The following GLRA3 variants were observed in gnomAD, a reference collection of about 807,000 sequenced individuals.
GLRA3 encodes glycine receptor subunit alpha-3.
In GLRA3, 44 loss-of-function variants were observed where a neutral mutation model predicts 60.4. The ratio of observed to expected loss-of-function variants is 0.73; its 90% confidence interval spans 0.57 to 0.94. GLRA3 has a LOEUF of 0.94. Among genes scored for constraint, GLRA3 ranks in the 40% least tolerant of loss-of-function variants. The pLI, the probability that GLRA3 is intolerant of heterozygous loss-of-function variation, is 0.00. For missense variants in GLRA3, 508 were observed against 564.6 expected, an observed-to-expected ratio of 0.90 and a Z score of 1.02; for synonymous variants, 223 against 192.9, an observed-to-expected ratio of 1.16 and a Z score of -1.29.
chr4:174,689,714 G>C (rs1734710301), intron 5 of GLRA3, among the ~76,000 whole-genome samples: 1 of 123,924 alleles, frequency 8.1e-6, no homozygotes, highest in Admixed American at 1.0e-4. Context: ...ATGTAAACAG[G>C]CTAAATGCCC....
chr4:174,734,843 G>A (rs542152668), intron 3 of GLRA3, among the ~76,000 whole-genome samples: 3 of 152,164 alleles, frequency 2.0e-5, no homozygotes, highest in Admixed American at 2.0e-4. Flanking sequence ...TTCTGGAGAG[G>A]TAAACTTAGT....
At chr4:174,719,540 G>T (rs1030024666) in intron 4 of GLRA3, among the ~76,000 whole-genome samples, 1 of 152,040 alleles carries the variant, frequency 6.6e-6, no homozygotes, top group African/African-American at 2.4e-5. Context: ...GAAAATATAA[G>T]GAATTTCCCC....
chr4:174,823,050 C>A (rs955043598), intron 1 of GLRA3, among the ~76,000 whole-genome samples: 1 of 152,166 alleles, frequency 6.6e-6, no homozygotes, highest in African/African-American at 2.4e-5. Context: ...AGAATAGCTT[C>A]ATTTACTGTT....
chr4:174,661,109 A>G (rs186607181), intron 7 of GLRA3, among the ~76,000 whole-genome samples: 14 of 152,242 alleles, frequency 9.2e-5, no homozygotes, highest in Admixed American at 8.5e-4. Flanking sequence ...GGGTGTATTC[A>G]CATCTCCCTA....
chr4:174,736,761 C>A (rs1244008585), intron 3 of GLRA3, among the ~76,000 whole-genome samples: 1 of 151,890 alleles, frequency 6.6e-6, no homozygotes, highest in Non-Finnish European at 1.5e-5. Flanking sequence ...GTTCTATACA[C>A]AATGATGTAT....
At chr4:174,682,020 A>G (rs758718744) in intron 6 of GLRA3, among the ~76,000 whole-genome samples, 16 of 152,196 alleles carry the variant, frequency 1.1e-4, no homozygotes, top group Non-Finnish European at 2.1e-4. Context: ...AGTTCTGGAA[A>G]ATGCTGAGTC....
At chr4:174,654,406 A>G (rs1384476540) in intron 9 of GLRA3, among the ~76,000 whole-genome samples, 1 of 152,172 alleles carries the variant, frequency 6.6e-6, no homozygotes, top group Non-Finnish European at 1.5e-5. Context: ...GCAGTCAATG[A>G]TATCTTTATT....
rs1469950311 is a variant in GLRA3 at position 174,743,699 on chromosome 4, T to G, written c.268-15001A>C. On this transcript the variant is annotated intron_variant, in intron 3 of 9. Coordinates refer to ENST00000274093, the MANE Select transcript of GLRA3 (RefSeq NM_006529.4). ...ATAGTGAAGCTTATTTGGTACTATT[T>G]GCATGATATTTTAGGTTTCCTTATA... Among the ~76,000 whole-genome samples, 4 of 152,230 alleles carry G rather than the reference T, an allele frequency of 2.6e-5. No homozygotes were observed. In the East Asian group the frequency reaches 7.7e-4, roughly 29 times the overall value.
chr4:174,775,682 G>A (rs1738569881), intron 2 of GLRA3, among the ~76,000 whole-genome samples: 1 of 152,106 alleles, frequency 6.6e-6, no homozygotes, highest in South Asian at 2.1e-4. Flanking sequence ...ATATTCTAGT[G>A]AAATAATGTT....
rs756469141 is a variant in GLRA3, at chr4:174,828,840, AAT to A, written c.-31_-30del. On this transcript the variant is annotated 5_prime_UTR_variant, in exon 1 of 10. It removes the in-frame stop codon of an upstream open reading frame in the 5' UTR. Coordinates refer to ENST00000274093, the MANE Select transcript of GLRA3 (RefSeq NM_006529.4). Reference sequence around the variant, plus strand: ...ACGGAGAGATATTCACGATCCTGAAAATAGTCTTATCCAAGGCATGGGGAACC... The same window carrying A: ...ACGGAGAGATATTCACGATCCTGAAAAGTCTTATCCAAGGCATGGGGAACC... 6.8e-7 allele frequency: 1 copy of A among 1,466,800 alleles called. No homozygotes were observed. Among genetic ancestry groups the A allele is most frequent in the Non-Finnish European group, 9.6e-7 (1 of 1,045,630 alleles). 90.9% of individuals were successfully genotyped at this position (1,466,800 alleles called of 1,614,324 possible).
chr4:174,651,134 CAGAT>C (rs1733007210), intron 9 of GLRA3, among the ~76,000 whole-genome samples: 1 of 152,152 alleles, frequency 6.6e-6, no homozygotes, highest in Non-Finnish European at 1.5e-5. Flanking sequence ...TTGGGCTTCT[CAGAT>C]AGATCTCACT....
At chr4:174,819,288 G>A (rs904165363) in intron 1 of GLRA3, among the ~76,000 whole-genome samples, 3 of 152,148 alleles carry the variant, frequency 2.0e-5, no homozygotes, top group African/African-American at 4.8e-5. Context: ...ATAAACATTT[G>A]CTGATATTTT....
intron 3 of GLRA3, among the ~76,000 whole-genome samples, chr4:174,756,515 G>A (rs765391853): frequency 1.3e-5 from 2 of 152,086 alleles, no homozygotes; most frequent in African/African-American, 2.4e-5. Flanking sequence ...TCATTTAAAT[G>A]AATGTTCAGA....
In GLRA3 at chr4:174,766,893, A is replaced by T. The variant is rs565825686; in HGVS notation, c.267+70T>A. ...TATACTAATTTGGGTTTTAAATTAC[A>T]TAAAATGTTGCCATTAATGTAATTA... On this transcript the variant is annotated intron_variant, in intron 3 of 9. Coordinates refer to ENST00000274093, the MANE Select transcript of GLRA3 (RefSeq NM_006529.4). 3 of 766,304 alleles carry T rather than the reference A, an allele frequency of 3.9e-6. No homozygotes were observed. In the African/African-American group the frequency reaches 5.2e-5, roughly 13 times the overall value. 47.5% of individuals were successfully genotyped at this position (766,304 alleles called of 1,614,324 possible). A position where few individuals can be genotyped will look rare whatever the true frequency, so the allele number is the denominator to read the frequency against.
At chr4:174,825,347 G>A (rs28710817) in intron 1 of GLRA3, among the ~76,000 whole-genome samples, 55,696 of 151,766 alleles carry the variant, frequency 0.37, 10,677 homozygotes, top group African/African-American at 0.4. Context: ...AGTAAGCTCT[G>A]TGCTAAGATA....
At position 174,666,349 on chromosome 4, in the gene GLRA3, A is replaced by G. The variant is rs182462872; in HGVS notation, c.928-7152T>C. On this transcript the variant is annotated intron_variant, in intron 7 of 9. Transcript: ENST00000274093. ...AAGAAATGGTCATTATATTTACTAG[A>G]TGAAAACAAACTAGTTGCCCAGGTG... Among the ~76,000 whole-genome samples the G allele has an allele frequency of 1.8e-3, 278 of 152,202 alleles. 1 individual carries two copies. The highest frequency in any genetic ancestry group is 6.4e-3 in the African/African-American group (266 of 41,554).
At chr4:174,821,193 G>A (rs13121060) in intron 1 of GLRA3, among the ~76,000 whole-genome samples, 112,957 of 152,032 alleles carry the variant, frequency 0.74, 42,453 homozygotes, top group Non-Finnish European at 0.8. Flanking sequence ...ATGATATGAC[G>A]TTAGTAAGAG....
rs752488665 is a variant in GLRA3 at position 174,785,936 on chromosome 4, GTTTTTTT to G, written c.199+2873_199+2879del. ...AGGTGTGTGCCACCATGCCTGGCTA[GTTTTTTT>G]TTTTTTTTTTTTTTTTGGATAGATG... On this transcript the variant is annotated intron_variant, in intron 2 of 9. Coordinates refer to ENST00000274093, the MANE Select transcript of GLRA3 (RefSeq NM_006529.4). Among the ~76,000 whole-genome samples, 81 of 103,474 alleles carry G rather than the reference GTTTTTTT, an allele frequency of 7.8e-4. 1 individual carries two copies. In the Middle Eastern group the frequency reaches 0.015, roughly 19 times the overall value. 67.9% of individuals were successfully genotyped at this position (103,474 alleles called of 152,430 possible). A position where few individuals can be genotyped will look rare whatever the true frequency, so the allele number is the denominator to read the frequency against.
At chr4:174,735,525 C>G (rs546295627) in intron 3 of GLRA3, among the ~76,000 whole-genome samples, 7 of 152,066 alleles carry the variant, frequency 4.6e-5, no homozygotes, top group Non-Finnish European at 1.0e-4. Context: ...TAAACATAAT[C>G]GTTTACACAT....
Sources: allele counts gnomAD v4.1 joint callset (sites outside exome capture counted in the v4.1 genomes callset), GRCh38; gene constraint gnomAD v4.1.1; transcripts MANE v1.5; gene names NCBI Gene and HGNC (gene_info 2026-07-23, HGNC 2026-07-21).